Variants in EEFSEC observed in about 807,000 individuals in gnomAD.
EEFSEC encodes selenocysteine-specific elongation factor.
Under a neutral mutation model 42.1 loss-of-function variants are expected in EEFSEC, and 43 were observed. The observed-to-expected ratio is 1.02, with a 90% CI of 0.80 to 1.32. The LOEUF (loss-of-function observed/expected upper bound fraction) is 1.32, where lower values mean the gene tolerates loss of function less well. Among genes scored for constraint, EEFSEC ranks in the 40% most tolerant of loss-of-function variants. The pLI is 0.00. For synonymous variants in EEFSEC, 354 were observed against 339.1 expected, an observed-to-expected ratio of 1.04 and a Z score of -0.48; for missense variants, 745 against 803.6, an observed-to-expected ratio of 0.93 and a Z score of 0.88.
rs1244092594 is a variant in EEFSEC at position 128,153,595 on chromosome 3, A to G, written c.88A>G (p.Thr30Ala). The part of the protein sequence containing the change: ...KTALARALST[T>A]ASTAAFDKQP... Reference sequence around the variant, plus strand: ...GGCGCTGGCGCGGGCGCTAAGCACCACAGCCTCCACCGCCGCCTTTGACAA... The same window carrying G: ...GGCGCTGGCGCGGGCGCTAAGCACCGCAGCCTCCACCGCCGCCTTTGACAA... The change falls in exon 1 of 7, where the codon ACA becomes GCA. Residue 30 changes from threonine (T) to alanine (A), a missense_variant. Transcript: ENST00000254730. The G allele has an allele frequency of 4.4e-6, 7 of 1,586,904 alleles. No individual in the cohort carries two copies. Among genetic ancestry groups the G allele is most frequent in the African/African-American group, 1.4e-5 (1 of 72,952 alleles).
At chr3:128,370,983 G>A (rs989488157) in intron 6 of EEFSEC, among the ~76,000 whole-genome samples, 2 of 152,218 alleles carry the variant, frequency 1.3e-5, no homozygotes, top group Admixed American at 1.3e-4. Context: ...GATGGAAAGA[G>A]TGGCATATTC....
intron 4 of EEFSEC, among the ~76,000 whole-genome samples, chr3:128,278,770 A>G (rs887328046): frequency 6.6e-6 from 1 of 152,142 alleles, no homozygotes; most frequent in Non-Finnish European, 1.5e-5. Context: ...GCTTTGGCAT[A>G]TTAGGGTGCA....
chr3:128,165,544 AAAC>A (rs2065235562), intron 1 of EEFSEC, among the ~76,000 whole-genome samples: 2 of 152,214 alleles, frequency 1.3e-5, no homozygotes, highest in South Asian at 4.2e-4. Flanking sequence ...GCAGGAGAAA[AAAC>A]AACTTTTGCT....
chr3:128,303,522 A>G (rs560220562), intron 4 of EEFSEC, among the ~76,000 whole-genome samples: 6 of 152,304 alleles, frequency 3.9e-5, no homozygotes, highest in Admixed American at 2.6e-4. Context: ...TTCATTGTCT[A>G]TAAATTACCT....
At chr3:128,403,879 T>C (rs990925658) in intron 6 of EEFSEC, among the ~76,000 whole-genome samples, 1 of 152,254 alleles carries the variant, frequency 6.6e-6, no homozygotes, top group African/African-American at 2.4e-5. Context: ...TTCGCCACCC[T>C]TCTGCTGTCT....
At chr3:128,391,065 G>C (rs1445272973) in intron 6 of EEFSEC, among the ~76,000 whole-genome samples, 1 of 152,266 alleles carries the variant, frequency 6.6e-6, no homozygotes, top group Non-Finnish European at 1.5e-5. Flanking sequence ...GGCATCGCCT[G>C]TCTCCCACCA....
At chr3:128,185,387 T>C (rs564276044) in intron 1 of EEFSEC, among the ~76,000 whole-genome samples, 2 of 152,298 alleles carry the variant, frequency 1.3e-5, no homozygotes, top group Non-Finnish European at 2.9e-5. Context: ...GTGACATTAA[T>C]TTATAATAGA....
chr3:128,198,499 TC>T (rs909312892), intron 1 of EEFSEC, among the ~76,000 whole-genome samples: 3 of 152,184 alleles, frequency 2.0e-5, no homozygotes, highest in African/African-American at 7.2e-5. Context: ...AGGGCACTCT[TC>T]CGGCAGCACA....
intron 1 of EEFSEC, among the ~76,000 whole-genome samples, chr3:128,189,206 G>A (rs189293770): frequency 5.0e-4 from 76 of 152,338 alleles, no homozygotes; most frequent in Admixed American, 2.9e-3. Context: ...CTGGTTCTCT[G>A]GACATTGCTC....
At chr3:128,182,136 C>T (rs2065413384) in intron 1 of EEFSEC, among the ~76,000 whole-genome samples, 1 of 152,120 alleles carries the variant, frequency 6.6e-6, no homozygotes, top group Non-Finnish European at 1.5e-5. Context: ...TTTGATGGGG[C>T]AAGGTACCCA....
chr3:128,208,926 T>C (rs1018610116), intron 1 of EEFSEC, among the ~76,000 whole-genome samples: 1 of 152,178 alleles, frequency 6.6e-6, no homozygotes, highest in African/African-American at 2.4e-5. Context: ...CACAGTCTTA[T>C]AGGAGCATAG....
At chr3:128,385,500 A>G (rs1278954797) in intron 6 of EEFSEC, among the ~76,000 whole-genome samples, 1 of 152,268 alleles carries the variant, frequency 6.6e-6, no homozygotes, top group Non-Finnish European at 1.5e-5. Context: ...TTTGACCCAC[A>G]GGCAGCAGAT....
chr3:128,270,404 T>C (rs544892729), intron 4 of EEFSEC, among the ~76,000 whole-genome samples: 1 of 152,332 alleles, frequency 6.6e-6, no homozygotes, highest in Admixed American at 6.5e-5. Flanking sequence ...GTTCTGATAA[T>C]GATGACAAAC....
chr3:128,196,327 A>G (rs1184578240), intron 1 of EEFSEC, among the ~76,000 whole-genome samples: 1 of 152,244 alleles, frequency 6.6e-6, no homozygotes, highest in Non-Finnish European at 1.5e-5. Context: ...ATTCTACTAT[A>G]TATGTAAGAT....
intron 4 of EEFSEC, among the ~76,000 whole-genome samples, chr3:128,284,567 C>T (rs1048405448): frequency 2.6e-5 from 4 of 152,134 alleles, no homozygotes; most frequent in Non-Finnish European, 5.9e-5. Flanking sequence ...GGCTTTTGGG[C>T]ACTCAGGGTT....
At chr3:128,410,652 C>T (rs2068167551), downstream of EEFSEC, among the ~76,000 whole-genome samples, 2 of 152,200 alleles carry the variant, frequency 1.3e-5, no homozygotes, top group African/African-American at 2.4e-5. Flanking sequence ...GAAAAGCAGC[C>T]ATGCCAGAGG....
At chr3:128,161,771 T>C (rs1190009721) in intron 1 of EEFSEC, among the ~76,000 whole-genome samples, 1 of 152,260 alleles carries the variant, frequency 6.6e-6, no homozygotes, top group Non-Finnish European at 1.5e-5. Context: ...CCCTTCATTC[T>C]TTCTGCAGAT....
chr3:128,356,018 G>A (rs2067449069), intron 5 of EEFSEC, among the ~76,000 whole-genome samples: 1 of 152,242 alleles, frequency 6.6e-6, no homozygotes, highest in African/African-American at 2.4e-5. Context: ...ATAGAGATGG[G>A]GAGCTCATAG....
intron 5 of EEFSEC, among the ~76,000 whole-genome samples, chr3:128,342,523 G>T (rs2067267334): frequency 6.6e-6 from 1 of 152,268 alleles, no homozygotes; most frequent in Non-Finnish European, 1.5e-5. Context: ...ACAGTGGGAG[G>T]TCCAGCCCCT....
Sources: gnomAD v4.1 joint callset for allele counts (sites outside exome capture counted in the v4.1 genomes callset) on GRCh38, gnomAD v4.1.1 for gene constraint, MANE v1.5 for transcripts, NCBI Gene and HGNC (gene_info 2026-07-23, HGNC 2026-07-21) for gene names.